Variants in GRID2 observed in about 807,000 individuals in gnomAD.
GRID2 encodes the protein glutamate ionotropic receptor delta type subunit 2, also known as glutamate receptor ionotropic, delta-2.
In GRID2, 33 loss-of-function variants were observed where a neutral mutation model predicts 114.8. That is an observed-to-expected ratio of 0.29 (90% CI 0.22 to 0.38). The LOEUF (loss-of-function observed/expected upper bound fraction) is 0.38. GRID2 is among the 10% of genes least tolerant of loss of function. GRID2 has a pLI of 1.00. For synonymous variants in GRID2, 505 were observed against 449.9 expected, an observed-to-expected ratio of 1.12 and a Z score of -1.55; for missense variants, 1,184 against 1,257.7, an observed-to-expected ratio of 0.94 and a Z score of 0.89.
At chr4:92,336,696 A>G (rs935803896) in intron 1 of GRID2, among the ~76,000 whole-genome samples, 1 of 152,190 alleles carries the variant, frequency 6.6e-6, no homozygotes, top group African/African-American at 2.4e-5. Flanking sequence ...TAAAACAGTA[A>G]ACGTTTTACA....
chr4:92,896,375 G>T (rs1233147658), intron 2 of GRID2, among the ~76,000 whole-genome samples: 1 of 152,054 alleles, frequency 6.6e-6, no homozygotes, highest in Non-Finnish European at 1.5e-5. Flanking sequence ...GCATACCAGG[G>T]AATTTTGGTT....
chr4:93,275,590 C>T (rs997176338), intron 8 of GRID2, among the ~76,000 whole-genome samples: 2 of 151,842 alleles, frequency 1.3e-5, no homozygotes, highest in African/African-American at 4.8e-5. Context: ...CACATCTTCA[C>T]CACCACTTAT....
intron 2 of GRID2, among the ~76,000 whole-genome samples, chr4:92,673,559 G>A (rs1311752911): frequency 6.6e-6 from 1 of 152,092 alleles, no homozygotes; most frequent in Admixed American, 6.6e-5. Flanking sequence ...TGTCCGCTAA[G>A]GAAATATTCT....
chr4:93,104,997 A>T (rs1383197841), intron 3 of GRID2, among the ~76,000 whole-genome samples: 2 of 151,708 alleles, frequency 1.3e-5, no homozygotes, highest in Admixed American at 6.6e-5. Flanking sequence ...AATGATTGCC[A>T]TTCTAACTGG....
intron 2 of GRID2, among the ~76,000 whole-genome samples, chr4:93,065,319 TCA>T (rs553932137): frequency 4.1e-4 from 63 of 152,014 alleles, no homozygotes; most frequent in African/African-American, 1.3e-3. Context: ...ATTGGTTTCA[TCA>T]CAGTGTCTTA....
At chr4:93,472,863 G>C (rs1724973831) in intron 11 of GRID2, among the ~76,000 whole-genome samples, 1 of 152,128 alleles carries the variant, frequency 6.6e-6, no homozygotes, top group African/African-American at 2.4e-5. Flanking sequence ...AAATAGAATA[G>C]CTGAAGTAAT....
At chr4:93,594,809 C>T (rs986613511) in intron 13 of GRID2, among the ~76,000 whole-genome samples, 42 of 151,978 alleles carry the variant, frequency 2.8e-4, no homozygotes, top group Non-Finnish European at 4.0e-4. Context: ...GGGAGTGACC[C>T]GATTTTCCAG....
intron 11 of GRID2, among the ~76,000 whole-genome samples, chr4:93,482,993 T>G (rs1726025584): frequency 6.6e-6 from 1 of 151,988 alleles, no homozygotes; most frequent in Non-Finnish European, 1.5e-5. Flanking sequence ...GGTCACAGTA[T>G]CTCTCAATTT....
intron 8 of GRID2, among the ~76,000 whole-genome samples, chr4:93,352,312 T>C (rs1760883513): frequency 6.6e-6 from 1 of 151,956 alleles, no homozygotes; most frequent in South Asian, 2.1e-4. Flanking sequence ...AATAGTATTA[T>C]CTATTTTAAA....
At chr4:93,414,763 A>C (rs1256618749) in intron 9 of GRID2, among the ~76,000 whole-genome samples, 1 of 150,934 alleles carries the variant, frequency 6.6e-6, no homozygotes, top group Non-Finnish European at 1.5e-5. Context: ...AGAAGAATAG[A>C]AATGTTCGTT....
At chr4:92,879,975 A>T (rs1270490643) in intron 2 of GRID2, among the ~76,000 whole-genome samples, 1 of 152,016 alleles carries the variant, frequency 6.6e-6, no homozygotes, top group African/African-American at 2.4e-5. Context: ...TGTATTTATA[A>T]TTTTTTTTAC....
chr4:92,932,358 C>T (rs1336327939), intron 2 of GRID2, among the ~76,000 whole-genome samples: 2 of 151,318 alleles, frequency 1.3e-5, no homozygotes, highest in Admixed American at 1.3e-4. Flanking sequence ...ACTACAATGG[C>T]TTTTAGACAC....
At chr4:92,414,087 A>C (rs1311774175) in intron 1 of GRID2, among the ~76,000 whole-genome samples, 1 of 152,128 alleles carries the variant, frequency 6.6e-6, no homozygotes, top group African/African-American at 2.4e-5. Context: ...GGTGATACAT[A>C]ATAAAGTCTT....
chr4:93,625,132 C>A (rs969754593), intron 13 of GRID2, among the ~76,000 whole-genome samples: 1 of 152,180 alleles, frequency 6.6e-6, no homozygotes, highest in Non-Finnish European at 1.5e-5. Context: ...TTGCAGCTTT[C>A]ATTTAGAATA....
chr4:93,263,185 T>G (rs1384559227), intron 8 of GRID2, among the ~76,000 whole-genome samples: 2 of 152,064 alleles, frequency 1.3e-5, no homozygotes, highest in South Asian at 4.1e-4. Context: ...AGGATTTTAA[T>G]CTTTTGTCAT....
At position 92,588,906 on chromosome 4, in the gene GRID2, C is replaced by G. The variant is rs942969589; in HGVS notation, c.89-1225C>G. On this transcript the variant is annotated intron_variant, in intron 1 of 15. Coordinates refer to ENST00000282020, the MANE Select transcript of GRID2 (RefSeq NM_001510.4). ...TCACGTGAGGTCAGGGGCTCGAGACCAGCCTGGCCAAAATGGTGAAATCCC... is the reference window on the plus strand; with the variant it reads ...TCACGTGAGGTCAGGGGCTCGAGACGAGCCTGGCCAAAATGGTGAAATCCC... Among the ~76,000 whole-genome samples the G allele has an allele frequency of 5.3e-5, 8 of 151,950 alleles. No individual in the cohort carries two copies. In the East Asian group the frequency reaches 1.6e-3, roughly 30 times the overall value.
At chr4:92,352,078 C>T (rs1728094181) in intron 1 of GRID2, among the ~76,000 whole-genome samples, 2 of 151,834 alleles carry the variant, frequency 1.3e-5, no homozygotes, top group Admixed American at 6.6e-5. Flanking sequence ...GGAACCTCCA[C>T]ACTGTTTTCC....
Position 92,590,267 on chromosome 4 carries a change from T to C in GRID2, c.225T>C (p.Pro75=). ...FSVTFVDGNN[P]FQAVQEACEL... The stretch of plus-strand genomic sequence containing the variant: ...TGACGTTTGTTGATGGCAACAACCC[T>C]TTCCAAGCAGTTCAAGAAGGTAAGG... The change falls in exon 2 of 16, where the codon CCT becomes CCC. Residue 75 remains proline, a synonymous_variant. Transcript: ENST00000282020. 1 of 1,612,944 alleles carries C rather than the reference T, an allele frequency of 6.2e-7. No homozygotes were observed.
At chr4:93,229,197 T>TCA (rs1745837719) in intron 7 of GRID2, among the ~76,000 whole-genome samples, 1 of 152,152 alleles carries the variant, frequency 6.6e-6, no homozygotes, top group Admixed American at 6.6e-5. Context: ...ATCATATGAG[T>TCA]GTTTTTGGTC....
Sources: gnomAD v4.1 joint callset for allele counts (sites outside exome capture counted in the v4.1 genomes callset) on GRCh38, gnomAD v4.1.1 for gene constraint, MANE v1.5 for transcripts, NCBI Gene and HGNC (gene_info 2026-07-23, HGNC 2026-07-21) for gene names.